SVIL: variants seen among roughly 807,000 people sequenced by gnomAD.
SVIL encodes archvillin.
Under a neutral mutation model 240.4 loss-of-function variants are expected in SVIL, and 101 were observed. The observed-to-expected ratio is 0.42, with a 90% CI of 0.36 to 0.50. SVIL has a LOEUF of 0.50. SVIL is among the 20% of genes least tolerant of loss of function. The pLI, the probability that SVIL is intolerant of heterozygous loss-of-function variation, is 0.01. For missense variants in SVIL, 2,512 were observed against 2,818.7 expected (o/e 0.89, Z 2.46); for synonymous variants, 999 against 1,100.0 (o/e 0.91, Z 1.82).
At chr10:29,628,164 A>C (rs1957948102) in intron 1 of SVIL, among the ~76,000 whole-genome samples, 1 of 152,210 alleles carries the variant, frequency 6.6e-6, no homozygotes, top group Non-Finnish European at 1.5e-5. Flanking sequence ...ATTTATATCC[A>C]AAACCACTAA....
intron 2 of SVIL, among the ~76,000 whole-genome samples, chr10:29,658,477 C>A (rs1221120386): frequency 6.6e-6 from 1 of 152,178 alleles, no homozygotes; most frequent in Non-Finnish European, 1.5e-5. Flanking sequence ...ATAGGGATGG[C>A]CAGGCATGGT....
intron 17 of SVIL, 149 bp downstream of exon 17, chr10:29,512,586 C>T: frequency 1.5e-6 from 2 of 1,333,466 alleles, no homozygotes; most frequent in Non-Finnish European, 2.1e-6. Flanking sequence ...ATTTTAGCTG[C>T]TCTGTGACAG....
At chr10:29,471,309 A>G (rs576716862) in intron 30 of SVIL, 66 bp from the exon 31 acceptor site, 6 of 1,221,832 alleles carry the variant, frequency 4.9e-6, no homozygotes, top group South Asian at 2.9e-5. Flanking sequence ...AAAACAATAC[A>G]TGCCTCTTGC....
At chr10:29,724,353 T>C (rs1964162189) in intron 1 of SVIL, among the ~76,000 whole-genome samples, 1 of 141,754 alleles carries the variant, frequency 7.1e-6, no homozygotes, top group Admixed American at 7.3e-5. Flanking sequence ...TTTCATTCTT[T>C]TTTTATGAGG....
At chr10:29,498,088 C>CAAAAAAAAAAAAAAAAAAAAAAAAAA (rs34280398) in intron 18 of SVIL, among the ~76,000 whole-genome samples, 1 of 37,482 alleles carries the variant, frequency 2.7e-5, no homozygotes, top group Non-Finnish European at 6.8e-5. Flanking sequence ...TCCCCTCCAC[C>CAAAAAAAAAAAAAAAAAAAAAAAAAA]AAAAAAAAAA....
chr10:29,592,352 C>A (rs571326665), intron 1 of SVIL, among the ~76,000 whole-genome samples: 1 of 152,166 alleles, frequency 6.6e-6, no homozygotes, highest in Non-Finnish European at 1.5e-5. Flanking sequence ...CAACATGTTA[C>A]CTATTTCCGA....
intron 1 of SVIL, among the ~76,000 whole-genome samples, chr10:29,609,812 A>T (rs1957171904): frequency 6.6e-6 from 1 of 152,200 alleles, no homozygotes. Context: ...ACTCACTCAC[A>T]TACCCACTTG....
chr10:29,633,490 T>G (rs548247856), intron 1 of SVIL, among the ~76,000 whole-genome samples: 129 of 152,122 alleles, frequency 8.5e-4, no homozygotes, highest in Non-Finnish European at 1.5e-3. Flanking sequence ...TGAGAAAACC[T>G]GAAACACCCC....
chr10:29,463,267 A>T (rs560690036), intron 35 of SVIL, among the ~76,000 whole-genome samples: 2 of 152,340 alleles, frequency 1.3e-5, no homozygotes, highest in Admixed American at 1.3e-4. Context: ...TATCAGAGAG[A>T]AAAACTAGTT....
intron 1 of SVIL, among the ~76,000 whole-genome samples, chr10:29,696,087 G>C (rs1481784442): frequency 1.3e-5 from 2 of 151,766 alleles, no homozygotes; most frequent in East Asian, 2.0e-4. Context: ...GAGTGCCTGC[G>C]ATTGCAGGCG....
In SVIL at chr10:29,563,239, C is replaced by T. The variant is rs1329150615; in HGVS notation, c.-89G>A. 3 of 985,690 alleles carry T rather than the reference C, an allele frequency of 3.0e-6. No homozygotes were observed. The highest frequency in any genetic ancestry group is 6.2e-5 in the Admixed American group (1 of 16,254). 61.1% of individuals were successfully genotyped at this position (985,690 alleles called of 1,614,324 possible). ...AACTAAAAGCTGAGCATCGATTCCT[C>T]TTTCGTGGTTAGCGAGCTGTTCTTT... On this transcript the variant is annotated 5_prime_UTR_variant, in exon 3 of 38. Coordinates refer to ENST00000355867, the MANE Select transcript of SVIL (RefSeq NM_021738.3).
At chr10:29,581,741 G>A (rs1955955082) in intron 1 of SVIL, among the ~76,000 whole-genome samples, 1 of 152,152 alleles carries the variant, frequency 6.6e-6, no homozygotes, top group South Asian at 2.1e-4. Context: ...CAAATCTATG[G>A]CTAATGACTC....
chr10:29,643,481 G>A (rs543526808), intron 3 of SVIL, among the ~76,000 whole-genome samples: 1 of 152,310 alleles, frequency 6.6e-6, no homozygotes, highest in African/African-American at 2.4e-5. Flanking sequence ...GAGACATGCT[G>A]TAGTCTACTG....
chr10:29,556,624 C>G (rs2132668780), intron 3 of SVIL, among the ~76,000 whole-genome samples: 1 of 152,280 alleles, frequency 6.6e-6, no homozygotes, highest in African/African-American at 2.4e-5. Flanking sequence ...AAAAAGGTCT[C>G]CCAGTTGGCC....
chr10:29,470,563 TGTC>T, intron 31 of SVIL, 80 bp from the exon 32 acceptor site: 1 of 1,542,778 alleles, frequency 6.5e-7, no homozygotes, highest in Non-Finnish European at 8.8e-7. Flanking sequence ...GTGTCCGCTG[TGTC>T]GTCCAAGGCA....
chr10:29,506,064 G>A (rs1045253959), intron 17 of SVIL, among the ~76,000 whole-genome samples: 1 of 152,066 alleles, frequency 6.6e-6, no homozygotes, highest in Admixed American at 6.5e-5. Flanking sequence ...TGCTGTATTG[G>A]TTTTTAATTT....
Position 29,486,185 on chromosome 10 carries a change from A to G in SVIL, c.4679T>C (p.Ile1560Thr), listed in dbSNP as rs748206390. ...KEDELYEAAI[I>T]ETNCIYRLMD... ...GAGACGGTAAATGCAGTTAGTTTCT[A>G]TTATGGCTGCTTCATAGAGTTCATC... The change falls in exon 26 of 38, where the codon ATA becomes ACA. Residue 1560 changes from isoleucine (I) to threonine (T), a missense_variant. Around this residue, in one of 3 missense-constraint regions of SVIL, gnomAD observed 797 missense variants for 925.3 expected, o/e 0.86. Transcript: ENST00000355867. The G allele has an allele frequency of 2.5e-6, 4 of 1,614,210 alleles. No individual in the cohort carries two copies. In the South Asian group the frequency reaches 4.4e-5, roughly 18 times the overall value.
chr10:29,521,027 T>A (rs138728563), intron 16 of SVIL, among the ~76,000 whole-genome samples: 1 of 151,256 alleles, frequency 6.6e-6, no homozygotes, highest in Non-Finnish European at 1.5e-5. Context: ...ATCGAGATCA[T>A]CCTAGCTAAC....
At chr10:29,656,820 A>G (rs1404309303) in intron 3 of SVIL, among the ~76,000 whole-genome samples, 1 of 152,186 alleles carries the variant, frequency 6.6e-6, no homozygotes, top group Non-Finnish European at 1.5e-5. Context: ...TTGTTGTCTC[A>G]GGCATTGGCT....
Sources: allele counts gnomAD v4.1 joint callset (sites outside exome capture counted in the v4.1 genomes callset), GRCh38; gene constraint gnomAD v4.1.1; regional missense constraint gnomAD v4.1.1; transcripts MANE v1.5; gene names NCBI Gene and HGNC (gene_info 2026-07-23, HGNC 2026-07-21).